CACNA1C: variants seen among roughly 807,000 people sequenced by gnomAD.
CACNA1C encodes calcium voltage-gated channel subunit alpha1 C.
A neutral mutation model predicts 229.0 loss-of-function variants in CACNA1C; 30 were observed. That is an observed-to-expected ratio of 0.13 (90% CI 0.10 to 0.18). CACNA1C has a LOEUF of 0.18. CACNA1C is among the 10% of genes least tolerant of loss of function. CACNA1C has a pLI of 1.00. For synonymous variants in CACNA1C, 1,114 were observed against 1,132.5 expected (o/e 0.98, Z 0.33); for missense variants, 1,658 against 2,845.0 (o/e 0.58, Z 9.49).
chr12:2,504,438 G>T lies in CACNA1C; in HGVS notation c.1114-404G>T. ...CTAACTTTCCTTCGTCTTTCCAGAT[G>T]CAGGACGCTATGGGCTATGAGTTAC... is the stretch of plus-strand genomic sequence containing the variant. On this transcript the variant is annotated intron_variant, in intron 7 of 46. Coordinates refer to ENST00000399655, the MANE Select transcript of CACNA1C (RefSeq NM_000719.7). The surrounding 1 kb of genome is among the most constrained non-coding windows in gnomAD (Gnocchi z 6.8). 6.3e-7 allele frequency: 1 copy of T among 1,578,720 alleles called. No individual in the cohort carries two copies. Among genetic ancestry groups the T allele is most frequent in the South Asian group, 1.1e-5 (1 of 90,354 alleles).
In CACNA1C at chr12:2,597,318, C is replaced by T. The variant is rs56056938; in HGVS notation, c.2853+29C>T. Reference sequence around the variant, plus strand: ...AAGCCCCCATCCCCTTCTGCTCCTCCTGTCCCCCTTGTGCCAGCACCAGGT... The same window carrying T: ...AAGCCCCCATCCCCTTCTGCTCCTCTTGTCCCCCTTGTGCCAGCACCAGGT... On this transcript the variant is annotated intron_variant, in intron 21 of 46. Coordinates refer to ENST00000399655, the MANE Select transcript of CACNA1C (RefSeq NM_000719.7). The surrounding 1 kb of genome is among the most constrained non-coding windows in gnomAD (Gnocchi z 4.3). The T allele has an allele frequency of 3.8e-5, 59 of 1,570,618 alleles. No individual in the cohort carries two copies. Among genetic ancestry groups the T allele is most frequent in the South Asian group, 2.3e-4 (21 of 90,160 alleles).
At chr12:2,224,899 C>T (rs953585343) in intron 3 of CACNA1C, among the ~76,000 whole-genome samples, 2 of 152,148 alleles carry the variant, frequency 1.3e-5, no homozygotes, top group East Asian at 3.8e-4. Context: ...CCTTAGCCAA[C>T]TGTTAGGGCT....
At chr12:2,187,468 G>A (rs2097073999) in intron 3 of CACNA1C, among the ~76,000 whole-genome samples, 1 of 152,200 alleles carries the variant, frequency 6.6e-6, no homozygotes, top group Non-Finnish European at 1.5e-5. Flanking sequence ...GGACAGAGTG[G>A]GCACACAGAA....
intron 3 of CACNA1C, among the ~76,000 whole-genome samples, chr12:2,277,663 C>G (rs575507321): frequency 1.7e-4 from 26 of 152,254 alleles, no homozygotes; most frequent in Admixed American, 8.5e-4. Flanking sequence ...GGCTTGAGTC[C>G]TTCACCTCTG....
intron 30 of CACNA1C, among the ~76,000 whole-genome samples, chr12:2,642,244 T>A (rs1393241854): frequency 6.6e-6 from 1 of 152,180 alleles, no homozygotes; most frequent in East Asian, 1.9e-4. Flanking sequence ...TGCCCCAAAC[T>A]GTGTCACTTT....
chr12:2,345,880 C>T (rs535411519), intron 3 of CACNA1C, among the ~76,000 whole-genome samples: 2 of 152,324 alleles, frequency 1.3e-5, no homozygotes, highest in South Asian at 2.1e-4. Context: ...TTCCGCTCTT[C>T]CTTGGGCCAA....
intron 3 of CACNA1C, among the ~76,000 whole-genome samples, chr12:2,151,040 C>T (rs973747544): frequency 6.6e-5 from 10 of 152,232 alleles, no homozygotes; most frequent in Admixed American, 2.0e-4. Context: ...GTGGCAATTA[C>T]GGAGAAGCAT....
intron 8 of CACNA1C, among the ~76,000 whole-genome samples, chr12:2,511,701 TG>T (rs1170178285): frequency 1.3e-5 from 2 of 152,290 alleles, no homozygotes; most frequent in Non-Finnish European, 2.9e-5. Context: ...AGACTTGCTT[TG>T]AGGGTTGAGA....
Position 2,063,280 on chromosome 12 carries a change from T to C in CACNA1C, c.49+9669T>C, listed in dbSNP as rs146313437. Among the ~76,000 whole-genome samples, 2 of 152,070 alleles carry C rather than the reference T, an allele frequency of 1.3e-5. 1 individual carries two copies. The highest frequency in any genetic ancestry group is 4.8e-5 in the African/African-American group (2 of 41,444). The stretch of plus-strand genomic sequence containing the variant: ...GATTCTCCTGCCTCAGTCTCCTGAG[T>C]AGCTGGGACTACAGGCACCCACCAC... On this transcript the variant is annotated intron_variant, in intron 1 of 46. Coordinates refer to ENST00000399655, the MANE Select transcript of CACNA1C (RefSeq NM_000719.7).
At chr12:2,333,186 G>A (rs1307010789) in intron 3 of CACNA1C, among the ~76,000 whole-genome samples, 1 of 150,652 alleles carries the variant, frequency 6.6e-6, no homozygotes, top group Admixed American at 6.6e-5. Context: ...TGGGCACTCC[G>A]GAATCTCATT....
intron 3 of CACNA1C, among the ~76,000 whole-genome samples, chr12:2,128,302 T>A (rs539365198): frequency 1.4e-4 from 22 of 152,294 alleles, no homozygotes; most frequent in African/African-American, 5.3e-4. Flanking sequence ...TTTTAAAGAT[T>A]AAACACTCTG....
intron 3 of CACNA1C, among the ~76,000 whole-genome samples, chr12:2,262,679 C>T (rs1011462323): frequency 6.6e-6 from 1 of 152,262 alleles, no homozygotes; most frequent in African/African-American, 2.4e-5. Context: ...CCTTGCAGGA[C>T]TGGGGTGGGG....
At chr12:2,395,484 G>GACCA (rs1180438514) in intron 3 of CACNA1C, among the ~76,000 whole-genome samples, 2 of 152,122 alleles carry the variant, frequency 1.3e-5, no homozygotes, top group Admixed American at 1.3e-4. Context: ...CTCTCAAAGT[G>GACCA]ACCAGCCTTA....
intron 5 of CACNA1C, 41 bp downstream of exon 5, chr12:2,457,747 C>A: frequency 6.8e-7 from 1 of 1,471,320 alleles, no homozygotes; most frequent in Non-Finnish European, 9.0e-7. Context: ...TATCTCCTCA[C>A]CACCTTCTGC....
chr12:2,445,391 A>G (rs374628490), intron 3 of CACNA1C, among the ~76,000 whole-genome samples: 62 of 152,186 alleles, frequency 4.1e-4, no homozygotes, highest in African/African-American at 1.4e-3. Flanking sequence ...AGCACCCAAC[A>G]CTTACATAAA....
intron 31 of CACNA1C, 36 bp downstream of exon 31, chr12:2,648,543 C>T (rs113177810): frequency 5.4e-5 from 86 of 1,606,508 alleles, no homozygotes; most frequent in South Asian, 2.0e-4. Context: ...TCCCGGCTTC[C>T]GTGTCCCCCT....
chr12:2,076,303 A>G (rs1283983756), intron 1 of CACNA1C, among the ~76,000 whole-genome samples: 1 of 152,186 alleles, frequency 6.6e-6, no homozygotes, highest in African/African-American at 2.4e-5. Context: ...TTGCAGAGCA[A>G]TGTCAAATGG....
chr12:2,404,231 G>A (rs180896657), intron 3 of CACNA1C, among the ~76,000 whole-genome samples: 2 of 152,284 alleles, frequency 1.3e-5, no homozygotes, highest in African/African-American at 2.4e-5. Flanking sequence ...CAGCACTGCC[G>A]GAGCCCCATG....
In CACNA1C at chr12:1,971,109, T is replaced by C; in HGVS notation, c.47T>C (p.Leu16Pro). The C allele has an allele frequency of 1.6e-6, 2 of 1,289,532 alleles. No individual in the cohort carries two copies. Among genetic ancestry groups the C allele is most frequent in the Non-Finnish European group, 2.0e-6 (2 of 988,600 alleles). 79.9% of individuals were successfully genotyped at this position (1,289,532 alleles called of 1,614,324 possible). Residue 16 changes from leucine (L) to proline (P), a missense_variant, in exon 1 of 47, where the codon CTT (leucine) becomes CCT (proline). Transcript: ENST00000682462. This position sits in a 1 kb window ranked among gnomAD's most constrained non-coding sequence, Gnocchi z 4.2. ...CCTGGTACGCCTGCATACCAGCCGC[T>C]TCCCAGCCACCTGTCTGCCAACACG...
Sources: allele counts gnomAD v4.1 joint callset (sites outside exome capture counted in the v4.1 genomes callset), GRCh38; gene constraint gnomAD v4.1.1; non-coding constraint Gnocchi (gnomAD v3.1); transcripts MANE v1.5; gene names NCBI Gene and HGNC (gene_info 2026-07-23, HGNC 2026-07-21).